IGSF10: variants seen among roughly 807,000 people sequenced by gnomAD.
IGSF10 encodes the protein calvaria mechanical force protein 608.
In IGSF10, 126 loss-of-function variants were observed where a neutral mutation model predicts 128.2. The observed-to-expected ratio is 0.98, with a 90% CI of 0.85 to 1.14. IGSF10 has a LOEUF of 1.14. Ranked by LOEUF, IGSF10 falls within the 50% of genes most tolerant of loss-of-function variation. IGSF10 has a pLI of 0.00. For synonymous variants in IGSF10, 1,185 were observed against 1,146.2 expected (o/e 1.03, Z -0.68); for missense variants, 3,295 against 3,149.8 (o/e 1.05, Z -1.10).
the IGSF10 span, among the ~76,000 whole-genome samples, chr3:151,496,260 C>A: frequency 6.6e-6 from 1 of 151,696 alleles, no homozygotes; most frequent in Admixed American, 6.6e-5. Context: ...AGGTTTGTTA[C>A]CTATGTATAC....
rs148699040 is a variant in IGSF10, at chr3:151,458,573, C to T, written c.137G>A (p.Arg46Gln). ...YMPTEVHCTF[R>Q]YLTSIPDSIP... is the part of the protein sequence containing the mutation. ...GCTGTCTGGGATGGAAGTCAGGTAC[C>T]GAAATGTGCAGTGTACCTCCGTAGG... Residue 46 changes from arginine to glutamine, a missense_variant, in exon 3 of 8, where the codon CGG becomes CAG. Arg to Gln is a conservative substitution (Grantham distance 43). Coordinates refer to ENST00000282466, the MANE Select transcript of IGSF10 (RefSeq NM_178822.5). 2.7e-5 allele frequency: 43 copies of T among 1,614,040 alleles called. No homozygotes were observed. The East Asian group carries it at 7.1e-4, about 27-fold the overall frequency.
the IGSF10 span, among the ~76,000 whole-genome samples, chr3:151,502,763 G>A: frequency 1.3e-5 from 2 of 152,058 alleles, no homozygotes; most frequent in Non-Finnish European, 2.9e-5. Flanking sequence ...AAGAGCTCAT[G>A]TAAATTATTT....
In IGSF10 at chr3:151,443,618, C is replaced by T. The variant is rs1051971982; in HGVS notation, c.5329G>A (p.Val1777Ile). The T allele has an allele frequency of 4.3e-6, 7 of 1,614,112 alleles. No homozygotes were observed. In the African/African-American group the frequency reaches 9.3e-5, roughly 22 times the overall value. The change falls in exon 7 of 8, where the codon GTT becomes ATT. Residue 1777 changes from valine (V) to isoleucine (I), a missense_variant. Coordinates refer to ENST00000282466, the MANE Select transcript of IGSF10 (RefSeq NM_178822.5). ...CRAEGRPSPT[V>I]TWILANQTVV... is the part of the protein sequence containing the mutation. ...GTTTGGTTTGCAAGAATCCAGGTAA[C>T]TGTAGGGCTTGGCCTACCTTCTGCT... is the stretch of plus-strand genomic sequence containing the variant.
chr3:151,495,347 A>C, the IGSF10 span, among the ~76,000 whole-genome samples: 1 of 152,136 alleles, frequency 6.6e-6, no homozygotes, highest in Non-Finnish European at 1.5e-5. Flanking sequence ...AAATAGCACA[A>C]ATGCAGTTGT....
chr3:151,512,847 TA>T, the IGSF10 span, among the ~76,000 whole-genome samples: 5 of 151,878 alleles, frequency 3.3e-5, no homozygotes, highest in African/African-American at 9.7e-5. Context: ...TCTATGCAAA[TA>T]AACTACAAAA....
the IGSF10 span, among the ~76,000 whole-genome samples, chr3:151,505,849 G>A: frequency 2.0e-5 from 3 of 152,108 alleles, no homozygotes; most frequent in African/African-American, 7.2e-5. Flanking sequence ...TAATCTTCTG[G>A]CTTAATTAGT....
At chr3:151,463,689 G>A (rs1722173193), upstream of IGSF10, among the ~76,000 whole-genome samples, 1 of 151,698 alleles carries the variant, frequency 6.6e-6, no homozygotes, top group African/African-American at 2.4e-5. Flanking sequence ...TGGGATTACA[G>A]GCACATGCCA....
chr3:151,577,960 T>C, the IGSF10 span, among the ~76,000 whole-genome samples: 2 of 152,160 alleles, frequency 1.3e-5, no homozygotes, highest in Non-Finnish European at 1.5e-5. Flanking sequence ...TGAAGTAAAA[T>C]AGCCCATCCT....
At chr3:151,608,690 C>A in the IGSF10 span, among the ~76,000 whole-genome samples, 1 of 152,076 alleles carries the variant, frequency 6.6e-6, no homozygotes, top group African/African-American at 2.4e-5. Flanking sequence ...TATTGACCTA[C>A]TATATTTTGG....
chr3:151,444,021 C>A (rs1266618160), intron 6 of IGSF10, 137 bp from the exon 7 acceptor site: 2 of 686,798 alleles, frequency 2.9e-6, no homozygotes, highest in Admixed American at 6.0e-5. Flanking sequence ...CTTGTATAAT[C>A]CCAACACTTT....
At chr3:151,577,326 G>A in the IGSF10 span, among the ~76,000 whole-genome samples, 1 of 152,100 alleles carries the variant, frequency 6.6e-6, no homozygotes, top group South Asian at 2.1e-4. Context: ...TGGGATTATA[G>A]CCCATGTCCG....
chr3:151,508,437 G>A, the IGSF10 span, among the ~76,000 whole-genome samples: 3 of 152,100 alleles, frequency 2.0e-5, no homozygotes, highest in South Asian at 2.1e-4. Context: ...TGAGTAAACC[G>A]CAAAAAGGAA....
At chr3:151,619,875 T>A in the IGSF10 span, among the ~76,000 whole-genome samples, 1 of 152,110 alleles carries the variant, frequency 6.6e-6, no homozygotes, top group African/African-American at 2.4e-5. Context: ...TGTTGTATAG[T>A]CAGTTTGGCT....
In IGSF10 at chr3:151,447,640, G is replaced by C. The variant is rs756698700; in HGVS notation, c.2341C>G (p.Pro781Ala). 54 of 1,613,996 alleles carry C rather than the reference G, an allele frequency of 3.3e-5. No homozygotes were observed. The highest frequency in any genetic ancestry group is 4.0e-5 in the Non-Finnish European group (47 of 1,179,998). ...KRENTTVSPP[P>A]VVTQLPNIPG... The stretch of plus-strand genomic sequence containing the variant: ...ATGTTTGGGAGTTGGGTGACCACTG[G>C]GGGTGGGCTCACTGTGGTATTTTCT... Residue 781 changes from proline to alanine, a missense_variant, in exon 6 of 8, where the codon CCA becomes GCA. Transcript: ENST00000282466.
chr3:151,605,865 A>C, the IGSF10 span, among the ~76,000 whole-genome samples: 1 of 152,170 alleles, frequency 6.6e-6, no homozygotes, highest in Non-Finnish European at 1.5e-5. Context: ...CAAAGCTTAG[A>C]CTATATCAGA....
chr3:151,435,562 T>A (rs994291641), downstream of IGSF10: 2 of 152,214 alleles, frequency 1.3e-5, no homozygotes, highest in African/African-American at 4.8e-5. Context: ...TTCTCGGTTT[T>A]GTGCACTGAG....
Position 151,436,690 on chromosome 3 carries a change from C to A in IGSF10, c.7871G>T (p.Ter2624LeuextTer50). 1.3e-6 allele frequency: 2 copies of A among 1,576,316 alleles called. No individual in the cohort carries two copies. The highest frequency in any genetic ancestry group is 1.2e-5 in the South Asian group (1 of 85,402). Reference sequence around the variant, plus strand: ...TGTTGTTGACTTTATTATTTCATGTCAGATTACTTGAATATACGTTGCTGC... The same window carrying A: ...TGTTGTTGACTTTATTATTTCATGTAAGATTACTTGAATATACGTTGCTGC... ...DYAATYIQVI[*>L] Residue 2624 changes from the stop codon to leucine (L), a stop_lost, in exon 8 of 8, where the codon TGA becomes TTA. Coordinates refer to ENST00000282466, the MANE Select transcript of IGSF10 (RefSeq NM_178822.5).
At chr3:151,439,296 A>G (rs1720690022) in intron 7 of IGSF10, among the ~76,000 whole-genome samples, 1 of 152,220 alleles carries the variant, frequency 6.6e-6, no homozygotes, top group Non-Finnish European at 1.5e-5. Context: ...GTAACAAAAC[A>G]ATTACTGAAT....
the IGSF10 span, among the ~76,000 whole-genome samples, chr3:151,469,933 A>C: frequency 1.3e-5 from 2 of 152,198 alleles, no homozygotes; most frequent in African/African-American, 4.8e-5. Flanking sequence ...CCCAAATTCT[A>C]ATATTTTATT....
Sources: allele counts gnomAD v4.1 joint callset (sites outside exome capture counted in the v4.1 genomes callset), GRCh38; gene constraint gnomAD v4.1.1; transcripts MANE v1.5; gene names NCBI Gene and HGNC (gene_info 2026-07-23, HGNC 2026-07-21).